HLF: variants seen among roughly 807,000 people sequenced by gnomAD.
HLF encodes the protein HLF transcription factor, PAR bZIP family member.
HLF carries 3 observed loss-of-function variants against 22.6 expected under a neutral mutation model. The observed-to-expected ratio is 0.13, with a 90% CI of 0.06 to 0.34. The LOEUF is 0.34. Ranked by LOEUF, HLF falls within the 10% of genes least tolerant of loss-of-function variation. The pLI, the probability that HLF is intolerant of heterozygous loss-of-function variation, is 1.00. For missense variants in HLF, 299 were observed against 389.2 expected (o/e 0.77, Z 1.95); for synonymous variants, 151 against 151.8 (o/e 0.99, Z 0.04).
rs953276541 is a variant in HLF, at chr17:55,323,142, G to T, written c.*2263G>T. 1.4e-5 allele frequency: 3 copies of T among 216,828 alleles called. No individual in the cohort carries two copies. Among genetic ancestry groups the T allele is most frequent in the Non-Finnish European group, 2.8e-5 (3 of 107,678 alleles). The allele number at this position is 216,828 out of a possible 1,614,324, so 13.4% of individuals were successfully genotyped here. A position where few individuals can be genotyped will look rare whatever the true frequency, so the allele number is the denominator to read the frequency against. On this transcript the variant is annotated 3_prime_UTR_variant, in exon 4 of 4. Transcript: ENST00000226067. The stretch of plus-strand genomic sequence containing the variant: ...CAAGGTGTTCATTTTGTCACAAGCT[G>T]TAGATAACAGCAAGAGATGGGGGTG...
Position 55,309,760 on chromosome 17 carries a change from C to T in HLF, c.452-5467C>T, listed in dbSNP as rs188645559. Among the ~76,000 whole-genome samples the T allele has an allele frequency of 4.2e-3, 633 of 152,322 alleles. 2 individuals are homozygous for T. The highest frequency in any genetic ancestry group is 6.8e-3 in the Non-Finnish European group (466 of 68,034). On this transcript the variant is annotated intron_variant, in intron 2 of 3. Coordinates refer to ENST00000226067, the MANE Select transcript of HLF (RefSeq NM_002126.5). ...TCAACATTAGACTACTGTGTTTTGA[C>T]GTTACTGCTGCAAATCTCCTGCTTT...
intron 2 of HLF, among the ~76,000 whole-genome samples, chr17:55,307,587 A>G (rs139358930): frequency 2.5e-4 from 38 of 152,296 alleles, no homozygotes; most frequent in Admixed American, 7.2e-4. Flanking sequence ...TTTGCAAAAT[A>G]TTGAAAATAA....
intron 2 of HLF, among the ~76,000 whole-genome samples, chr17:55,269,151 C>A (rs1465195074): frequency 4.6e-5 from 7 of 152,076 alleles, no homozygotes; most frequent in African/African-American, 1.7e-4. Context: ...GCACATGGAG[C>A]AAGATTTAAA....
intron 2 of HLF, among the ~76,000 whole-genome samples, chr17:55,277,319 G>T (rs1263851953): frequency 2.0e-5 from 3 of 149,848 alleles, no homozygotes; most frequent in East Asian, 2.0e-4. Flanking sequence ...GGGTTTGTGG[G>T]TGGGGGTGGG....
chr17:55,321,958 C>A lies in HLF; in HGVS notation c.*1079C>A, dbSNP rs1335809078. 4.4e-6 allele frequency: 1 copy of A among 226,968 alleles called. No individual in the cohort carries two copies. The highest frequency in any genetic ancestry group is 8.8e-6 in the Non-Finnish European group (1 of 113,848). The allele number at this position is 226,968 out of a possible 1,614,324, so 14.1% of individuals were successfully genotyped here. On this transcript the variant is annotated 3_prime_UTR_variant, in exon 4 of 4. Coordinates refer to ENST00000226067, the MANE Select transcript of HLF (RefSeq NM_002126.5). ...AAACAGTTACTTAAGATTCAGTTTT[C>A]CCACTTTTTGGTAATATATATATTT...
At chr17:55,280,506 T>C (rs2080943851) in intron 2 of HLF, among the ~76,000 whole-genome samples, 1 of 152,206 alleles carries the variant, frequency 6.6e-6, no homozygotes, top group Non-Finnish European at 1.5e-5. Flanking sequence ...TGGAAGATCT[T>C]GAGTGGGTAA....
At position 55,323,372 on chromosome 17, in the gene HLF, G is replaced by A. The variant is rs1567829475; in HGVS notation, c.*2493G>A. The A allele has an allele frequency of 9.3e-6, 2 of 215,372 alleles. No individual in the cohort carries two copies. Among genetic ancestry groups the A allele is most frequent in the Non-Finnish European group, 1.9e-5 (2 of 106,600 alleles). The allele number at this position is 215,372 out of a possible 1,614,324, so 13.3% of individuals were successfully genotyped here. On this transcript the variant is annotated 3_prime_UTR_variant, in exon 4 of 4. Transcript: ENST00000226067. ...AAATGATGTCTTTAAGTGGAGAATTGTGGAAGGATTGTAACATGGACCATC... is the reference window on the plus strand; with the variant it reads ...AAATGATGTCTTTAAGTGGAGAATTATGGAAGGATTGTAACATGGACCATC...
At position 55,282,295 on chromosome 17, in the gene HLF, T is replaced by C. The variant is rs182254915; in HGVS notation, c.451+14209T>C. On this transcript the variant is annotated intron_variant, in intron 2 of 3. Coordinates refer to ENST00000226067, the MANE Select transcript of HLF (RefSeq NM_002126.5). The stretch of plus-strand genomic sequence containing the variant: ...GTTGCTGGACTGGGTCTTTGTAAGC[T>C]CCGTGATGCTGCTTTGGGAACACAA... Among the ~76,000 whole-genome samples, 692 of 152,292 alleles carry C rather than the reference T, an allele frequency of 4.5e-3. 4 individuals carry two copies. The highest frequency in any genetic ancestry group is 0.013 in the African/African-American group (557 of 41,578).
intron 2 of HLF, among the ~76,000 whole-genome samples, chr17:55,311,677 A>T (rs1475106380): frequency 6.6e-6 from 1 of 152,176 alleles, no homozygotes; most frequent in African/African-American, 2.4e-5. Context: ...ATTTATTATT[A>T]TTTTTAATTT....
chr17:55,265,717 C>T, intron 1 of HLF, 118 bp downstream of exon 1: 3 of 1,116,272 alleles, frequency 2.7e-6, no homozygotes, highest in Non-Finnish European at 3.6e-6. Context: ...CCCGCGGCGC[C>T]CCGGCCCCGC....
chr17:55,272,060 T>C (rs566997976), intron 2 of HLF: 2 of 152,382 alleles, frequency 1.3e-5, no homozygotes, highest in South Asian at 4.1e-4. Flanking sequence ...AGAGTAGTGG[T>C]TCTTGGAGGC....
intron 2 of HLF, among the ~76,000 whole-genome samples, chr17:55,284,498 A>T (rs188147424): frequency 6.6e-6 from 1 of 152,312 alleles, no homozygotes; most frequent in East Asian, 1.9e-4. Context: ...CAGATTAACC[A>T]AGGTGAAGGC....
At chr17:55,280,897 G>A (rs532859323) in intron 2 of HLF, among the ~76,000 whole-genome samples, 1 of 152,326 alleles carries the variant, frequency 6.6e-6, no homozygotes, top group Admixed American at 6.5e-5. Flanking sequence ...TAGATTATTT[G>A]GAAGAAATGT....
In HLF at chr17:55,323,842, C is replaced by G. The variant is rs757813622; in HGVS notation, c.*2963C>G. 7 of 229,750 alleles carry G rather than the reference C, an allele frequency of 3.0e-5. No individual in the cohort carries two copies. Among genetic ancestry groups the G allele is most frequent in the East Asian group, 6.2e-5 (1 of 16,170 alleles). The allele number at this position is 229,750 out of a possible 1,614,324, so 14.2% of individuals were successfully genotyped here. ...TTTTTCACCTTTTCATCCTAAGCATCTTTCAGAGATTAATTATTTGGCCAT... is the reference window on the plus strand; with the variant it reads ...TTTTTCACCTTTTCATCCTAAGCATGTTTCAGAGATTAATTATTTGGCCAT... On this transcript the variant is annotated 3_prime_UTR_variant, in exon 4 of 4. Transcript: ENST00000226067.
intron 2 of HLF, among the ~76,000 whole-genome samples, chr17:55,291,706 T>C (rs1114603): frequency 3.3e-5 from 5 of 152,050 alleles, no homozygotes; most frequent in African/African-American, 1.2e-4. Flanking sequence ...AATTTACTTT[T>C]TAAGACAATA....
intron 2 of HLF, among the ~76,000 whole-genome samples, chr17:55,275,078 G>A (rs1051099029): frequency 1.3e-5 from 2 of 152,082 alleles, no homozygotes; most frequent in Non-Finnish European, 2.9e-5. Flanking sequence ...TAAACAAAAT[G>A]CATTTTGAAG....
intron 2 of HLF, chr17:55,273,473 T>C (rs577738340): frequency 6.6e-6 from 1 of 152,254 alleles, no homozygotes; most frequent in Non-Finnish European, 1.5e-5. Context: ...CATGCTTTCA[T>C]GCATTTTTTT....
Position 55,320,775 on chromosome 17 carries a change from AAGG to A in HLF, c.787_789del (p.Glu263del). On this transcript the variant is annotated inframe_deletion, in exon 4 of 4. Transcript: ENST00000226067. The surrounding 1 kb of genome is among the most constrained non-coding windows in gnomAD (Gnocchi z 4.2). ...CGCCATCCGGGCCTCGTTCCTGGAG[AAGG>A]AGAACTCGGCCCTCCGCCAGGAGGT... 1.9e-6 allele frequency: 3 copies of A among 1,613,926 alleles called. No individual in the cohort carries two copies. The highest frequency in any genetic ancestry group is 2.5e-6 in the Non-Finnish European group (3 of 1,179,928).
chr17:55,301,017 ATATTT>A, intron 2 of HLF, among the ~76,000 whole-genome samples: 1 of 152,232 alleles, frequency 6.6e-6, no homozygotes, highest in Admixed American at 6.5e-5. Flanking sequence ...ATGCCTTCAC[ATATTT>A]TGTTCCCTCT....
Sources: gnomAD v4.1 joint callset for allele counts (sites outside exome capture counted in the v4.1 genomes callset) on GRCh38, gnomAD v4.1.1 for gene constraint, Gnocchi (gnomAD v3.1) non-coding constraint, MANE v1.5 for transcripts, NCBI Gene and HGNC (gene_info 2026-07-23, HGNC 2026-07-21) for gene names.